Variants in JADE3 observed in about 807,000 individuals in gnomAD.
JADE3 encodes the protein jade family PHD finger 3, also known as protein Jade-3.
In JADE3, 2 loss-of-function variants were observed where a neutral mutation model predicts 50.1. That is an observed-to-expected ratio of 0.04 (90% CI 0.02 to 0.13). The LOEUF (loss-of-function observed/expected upper bound fraction) is 0.13. JADE3 is among the 10% of genes least tolerant of loss of function. The pLI is 1.00. For missense variants in JADE3, 475 were observed against 634.4 expected (o/e 0.75, Z 2.70); for synonymous variants, 218 against 232.9 (o/e 0.94, Z 0.58).
chrX:47,033,347 G>C (rs1929061912), intron 6 of JADE3, among the ~76,000 whole-genome samples: 1 of 112,088 alleles, frequency 8.9e-6, no homozygotes, highest in Admixed American at 9.5e-5. Flanking sequence ...ACAACACTCA[G>C]ATAACAGTTG....
At chrX:46,931,135 A>G (rs1050648903) in intron 1 of JADE3, among the ~76,000 whole-genome samples, 1 of 111,860 alleles carries the variant, frequency 8.9e-6, no homozygotes, top group Non-Finnish European at 1.9e-5. Flanking sequence ...TGCTTGGTTT[A>G]TGTGTAGGAC....
In JADE3 at chrX:46,912,532, A is replaced by T. The variant is rs1168995425; in HGVS notation, c.-199A>T. ...CGGGCGGACGAGGGCCGAGGGCGGG[A>T]GCTGAGGCGCGGGGGGCGGCCCCGG... On this transcript the variant is annotated 5_prime_UTR_variant, in exon 1 of 11. Coordinates refer to ENST00000614628, the MANE Select transcript of JADE3 (RefSeq NM_014735.5). 2 of 109,397 alleles carry T rather than the reference A, an allele frequency of 1.8e-5. No individual in the cohort carries two copies. The highest frequency in any genetic ancestry group is 6.6e-5 in the African/African-American group (2 of 30,092). 9.0% of individuals were successfully genotyped at this position (109,397 alleles called of 1,213,427 possible).
chrX:47,025,398 A>G (rs782814456), intron 5 of JADE3, among the ~76,000 whole-genome samples: 6 of 111,817 alleles, frequency 5.4e-5, no homozygotes, highest in Non-Finnish European at 9.4e-5. Context: ...CTGTGACAGT[A>G]CCCCTTAATG....
Position 47,058,282 on chromosome X carries a change from A to T in JADE3, c.1677A>T (p.Glu559Asp). Residue 559 changes from glutamate (E) to aspartate (D), a missense_variant, in exon 11 of 11, where the codon GAA becomes GAT. Physicochemically the swap from Glu to Asp is conservative, Grantham distance 45. Around this residue, in one of 6 missense-constraint regions of JADE3, gnomAD observed 243 missense variants for 238.2 expected, o/e 1.02. Coordinates refer to ENST00000614628, the MANE Select transcript of JADE3 (RefSeq NM_014735.5). ...AAGACCACAGAAACAGCTCCACAGAAACCGATCAGCAGCCCCACTCTCCTG... is the reference window on the plus strand; with the variant it reads ...AAGACCACAGAAACAGCTCCACAGATACCGATCAGCAGCCCCACTCTCCTG... ...TPEDHRNSST[E>D]TDQQPHSPDS... 1 of 1,211,063 alleles carries T rather than the reference A, an allele frequency of 8.3e-7. No individual in the cohort carries two copies. Among genetic ancestry groups the T allele is most frequent in the South Asian group, 1.8e-5 (1 of 56,905 alleles).
intron 4 of JADE3, among the ~76,000 whole-genome samples, chrX:47,008,545 A>AT (rs1468186270): frequency 8.9e-6 from 1 of 112,056 alleles, no homozygotes; most frequent in East Asian, 2.8e-4. Context: ...TGGTTTTATT[A>AT]TTTTTTATTT....
At chrX:47,041,764 C>T (rs1483398928) in intron 8 of JADE3, among the ~76,000 whole-genome samples, 4 of 108,730 alleles carry the variant, frequency 3.7e-5, no homozygotes, top group African/African-American at 1.3e-4. Flanking sequence ...CAACCTCTGC[C>T]TCCTGGGTTC....
intron 4 of JADE3, among the ~76,000 whole-genome samples, chrX:47,009,683 G>A (rs973512765): frequency 1.9e-5 from 2 of 105,973 alleles, no homozygotes; most frequent in Non-Finnish European, 3.9e-5. Context: ...GGAGCATGGT[G>A]GCACAATCAC....
intron 1 of JADE3, among the ~76,000 whole-genome samples, chrX:46,926,019 C>CT (rs1926354548): frequency 1.3e-5 from 1 of 76,292 alleles, no homozygotes; most frequent in African/African-American, 6.4e-5. Context: ...CCATGCCCAG[C>CT]TAATTTTATT....
At chrX:46,995,747 C>A (rs1443080674) in intron 3 of JADE3, among the ~76,000 whole-genome samples, 5 of 111,521 alleles carry the variant, frequency 4.5e-5, no homozygotes, top group Non-Finnish European at 9.4e-5. Context: ...ACATTCCCAT[C>A]CACTCAGCAT....
At chrX:47,019,564 T>G (rs1213751254) in intron 4 of JADE3, among the ~76,000 whole-genome samples, 1 of 111,864 alleles carries the variant, frequency 8.9e-6, no homozygotes, top group Non-Finnish European at 1.9e-5. Context: ...CTAGTTCATT[T>G]TTAAGGCATT....
intron 1 of JADE3, among the ~76,000 whole-genome samples, chrX:46,943,431 C>G (rs1926809298): frequency 8.9e-6 from 1 of 111,843 alleles, no homozygotes; most frequent in Non-Finnish European, 1.9e-5. Context: ...TTATCAAAAG[C>G]TTTTGCTGCA....
intron 4 of JADE3, among the ~76,000 whole-genome samples, chrX:47,013,444 TTAATGGAA>T (rs1258836225): frequency 8.9e-6 from 1 of 112,110 alleles, no homozygotes; most frequent in Non-Finnish European, 1.9e-5. Flanking sequence ...TTTTTAAAAG[TTAATGGAA>T]TAATGGAATT....
intron 3 of JADE3, among the ~76,000 whole-genome samples, chrX:46,995,763 G>A (rs1928115463): frequency 9.0e-6 from 1 of 111,340 alleles, no homozygotes; most frequent in Non-Finnish European, 1.9e-5. Flanking sequence ...AGCATTTTAT[G>A]TTCTGTCTCA....
chrX:46,967,922 C>T (rs1024138073), intron 1 of JADE3, among the ~76,000 whole-genome samples: 1 of 112,095 alleles, frequency 8.9e-6, no homozygotes, highest in Non-Finnish European at 1.9e-5. Context: ...AACAGCTCCC[C>T]GCTCCCAAGG....
chrX:47,058,290 A>G lies in JADE3; in HGVS notation c.1685A>G (p.Gln562Arg). The change falls in exon 11 of 11, where the codon CAG becomes CGG. Residue 562 changes from glutamine to arginine, a missense_variant. Physicochemically the swap from Gln to Arg is conservative, Grantham distance 43 (BLOSUM62 1). Coordinates refer to ENST00000614628, the MANE Select transcript of JADE3 (RefSeq NM_014735.5). ...AGAAACAGCTCCACAGAAACCGATC[A>G]GCAGCCCCACTCTCCTGACAGCAGC... Reference protein sequence around the residue: ...DHRNSSTETDQQPHSPDSSSS... With the variant: ...DHRNSSTETDRQPHSPDSSSS... 8.3e-7 allele frequency: 1 copy of G among 1,211,449 alleles called. No homozygotes were observed. Among genetic ancestry groups the G allele is most frequent in the Non-Finnish European group, 1.1e-6 (1 of 895,409 alleles).
intron 9 of JADE3, among the ~76,000 whole-genome samples, chrX:47,055,026 G>A (rs1397035328): frequency 9.0e-6 from 1 of 110,960 alleles, no homozygotes; most frequent in Non-Finnish European, 1.9e-5. Flanking sequence ...ATTTTGGACT[G>A]GATAGTTGTT....
intron 1 of JADE3, among the ~76,000 whole-genome samples, chrX:46,934,155 G>A (rs6611316): frequency 9.0e-6 from 1 of 111,147 alleles, no homozygotes; most frequent in Non-Finnish European, 1.9e-5. Context: ...TTTTTTTTAA[G>A]ACGGAGTCTC....
At chrX:47,032,264 G>A (rs193295047) in intron 6 of JADE3, among the ~76,000 whole-genome samples, 3 of 111,579 alleles carry the variant, frequency 2.7e-5, no homozygotes, top group African/African-American at 6.5e-5. Flanking sequence ...TTAAGGATCC[G>A]CTGTAAATAT....
intron 1 of JADE3, among the ~76,000 whole-genome samples, chrX:46,920,812 GATCTATAT>G (rs1252190724): frequency 8.9e-6 from 1 of 111,970 alleles, no homozygotes; most frequent in Admixed American, 9.4e-5. Context: ...CTGTTGCATT[GATCTATAT>G]ATCTATCATT....
Sources: gnomAD v4.1 joint callset for allele counts (sites outside exome capture counted in the v4.1 genomes callset) on GRCh38, gnomAD v4.1.1 for gene constraint, gnomAD v4.1.1 regional missense constraint, MANE v1.5 for transcripts, NCBI Gene and HGNC (gene_info 2026-07-23, HGNC 2026-07-21) for gene names.